TTN: variants seen among roughly 807,000 people sequenced by gnomAD.
TTN encodes the protein connectin.
A neutral mutation model predicts 3,223.0 loss-of-function variants in TTN; 1,525 were observed. That is an observed-to-expected ratio of 0.47 (90% CI 0.45 to 0.49). The LOEUF is 0.49. TTN is among the 20% of genes least tolerant of loss of function. The probability of loss-of-function intolerance (pLI) is 0.00; values close to 1 mark genes in which losing one functional copy is unlikely to be tolerated. For missense variants in TTN, 40,786 were observed against 43,424.0 expected (o/e 0.94, Z 5.40); for synonymous variants, 14,094 against 15,161.0 (o/e 0.93, Z 5.17).
In TTN at chr2:178,698,854, G is replaced by T; in HGVS notation, c.30743C>A (p.Thr10248Lys). 1 of 1,543,096 alleles carries T rather than the reference G, an allele frequency of 6.5e-7. No individual in the cohort carries two copies. The change falls in exon 112 of 363, where the codon ACA becomes AAA. Residue 10248 changes from threonine (T) to lysine (K), a missense_variant. Physicochemically the swap from Thr to Lys is moderately conservative, Grantham distance 78. Coordinates refer to ENST00000589042, the MANE Select transcript of TTN (RefSeq NM_001267550.2). ...KKVVAKPKEMTPREEIVKKPP... is the reference protein window; with the variant it reads ...KKVVAKPKEMKPREEIVKKPP... ...ATTAATTATAATACCTTCACGTGGTGTCATCTCTTTGGGCTTTGCAACAAC... is the reference window on the plus strand; with the variant it reads ...ATTAATTATAATACCTTCACGTGGTTTCATCTCTTTGGGCTTTGCAACAAC...
rs1402513223 is a variant in TTN, at chr2:178,712,232, A to G, written c.27608-10T>C. The G allele has an allele frequency of 1.2e-6, 2 of 1,611,642 alleles. No homozygotes were observed. Among genetic ancestry groups the G allele is most frequent in the East Asian group, 4.5e-5 (2 of 44,854 alleles). On this transcript the variant is annotated splice_polypyrimidine_tract_variant and intron_variant, in intron 95 of 362. Coordinates refer to ENST00000589042, the MANE Select transcript of TTN (RefSeq NM_001267550.2). ...ACAAAATACGGTGGTTCTGCAGCCA[A>G]GAGAGATAATCAATCAGTCATGAAG...
At chr2:178,793,254 A>T in intron 9 of TTN, 150 bp downstream of exon 9, 2 of 1,223,654 alleles carry the variant, frequency 1.6e-6, no homozygotes, top group Non-Finnish European at 2.3e-6. Context: ...GGTATCCAGT[A>T]CCCAGAAATT....
chr2:178,591,005 A>G lies in TTN; in HGVS notation c.60720T>C (p.Cys20240=). 6.2e-7 allele frequency: 1 copy of G among 1,613,464 alleles called. No homozygotes were observed. Among genetic ancestry groups the G allele is most frequent in the Non-Finnish European group, 8.5e-7 (1 of 1,179,564 alleles). Residue 20240 remains cysteine, a synonymous_variant, in exon 304 of 363, where the codon TGT becomes TGC. Coordinates refer to ENST00000589042, the MANE Select transcript of TTN (RefSeq NM_001267550.2). ...CTGCTCTAACTCGGAAAACATATTC[A>G]CAGCCCTTCTGCAGATGTGGGATTT... ...KLKIPHLQKG[C]EYVFRVRAEN...
At chr2:178,778,401 A>C in intron 24 of TTN, 1 of 268,182 alleles carries the variant, frequency 3.7e-6, no homozygotes, top group Admixed American at 5.1e-5. Context: ...GAAAACATAG[A>C]AATGAATTTG....
Position 178,564,797 on chromosome 2 carries a change from T to G in TTN, c.81335A>C (p.Lys27112Thr). ...TKIIGYHLEQKEKNSILWVKL... is the reference protein window; with the variant it reads ...TKIIGYHLEQTEKNSILWVKL... ...GACCCATAAAATACTGTTCTTTTCT[T>G]TCTGTTCAAGATGGTAGCCAATAAT... Residue 27112 changes from lysine to threonine, a missense_variant, in exon 326 of 363, where the codon AAA (lysine) becomes ACA (threonine). Transcript: ENST00000589042. 1 of 1,612,504 alleles carries G rather than the reference T, an allele frequency of 6.2e-7. No homozygotes were observed. The highest frequency in any genetic ancestry group is 8.5e-7 in the Non-Finnish European group (1 of 1,179,196).
intron 43 of TTN, among the ~76,000 whole-genome samples, chr2:178,760,557 C>G (rs2088816598): frequency 6.6e-6 from 1 of 152,118 alleles, no homozygotes; most frequent in African/African-American, 2.4e-5. Context: ...GACACTACAA[C>G]TTGTCAGCTG....
In TTN at chr2:178,532,546, C is replaced by G. The variant is rs964554853; in HGVS notation, c.104069G>C (p.Gly34690Ala). ...RLRLEEELELGFSASPPSRSP... is the reference protein window; with the variant it reads ...RLRLEEELELAFSASPPSRSP... ...TCGACTTGGGGGTGAAGCTGAAAAACCTAACTCAAGCTCTTCTTCAAGACG... is the reference window on the plus strand; with the variant it reads ...TCGACTTGGGGGTGAAGCTGAAAAAGCTAACTCAAGCTCTTCTTCAAGACG... The change falls in exon 358 of 363, where the codon GGT becomes GCT. Residue 34690 changes from glycine (G) to alanine (A), a missense_variant. Coordinates refer to ENST00000589042, the MANE Select transcript of TTN (RefSeq NM_001267550.2). The G allele has an allele frequency of 1.2e-6, 2 of 1,613,930 alleles. No homozygotes were observed. Among genetic ancestry groups the G allele is most frequent in the Non-Finnish European group, 1.7e-6 (2 of 1,179,850 alleles).
Position 178,735,608 on chromosome 2 carries a change from C to A in TTN, c.14838G>T (p.Glu4946Asp), listed in dbSNP as rs1169291552. 3 of 1,613,592 alleles carry A rather than the reference C, an allele frequency of 1.9e-6. No individual in the cohort carries two copies. The highest frequency in any genetic ancestry group is 2.5e-6 in the Non-Finnish European group (3 of 1,179,724). ...AATCTTTCAGTTTGGCCAAAGGAAT[C>A]TCAAGTGTTGCTATTTTATCTTCAA... ...ICFEDKIATLEIPLAKLKDSG... is the reference protein window; with the variant it reads ...ICFEDKIATLDIPLAKLKDSG... Residue 4946 changes from glutamate to aspartate, a missense_variant, in exon 50 of 363, where the codon GAG becomes GAT. Glu to Asp is a conservative substitution (Grantham distance 45). Transcript: ENST00000589042.
At chr2:178,578,293 A>G in intron 321 of TTN, 108 bp from the exon 322 acceptor site, 1 of 1,027,396 alleles carries the variant, frequency 9.7e-7, no homozygotes, top group Middle Eastern at 2.1e-4. Flanking sequence ...ACAAGTAGTC[A>G]TTCTTGCTAG....
At chr2:178,619,454 T>C (rs1481137440) in intron 250 of TTN, 167 bp downstream of exon 250, 3 of 744,682 alleles carry the variant, frequency 4.0e-6, no homozygotes, top group Non-Finnish European at 6.4e-6. Context: ...AATTTCCTCT[T>C]ACTCAAGACA....
At chr2:178,764,978 G>A (rs2090107700) in intron 41 of TTN, among the ~76,000 whole-genome samples, 167 bp from the exon 42 acceptor site, 1 of 152,144 alleles carries the variant, frequency 6.6e-6, no homozygotes, top group Non-Finnish European at 1.5e-5. Context: ...TTTGTGCTAA[G>A]AATGAAGAAA....
In TTN at chr2:178,583,794, A is replaced by C. The variant is rs369091096; in HGVS notation, c.65388T>G (p.Ala21796=). 1.5e-5 allele frequency: 24 copies of C among 1,610,240 alleles called. No homozygotes were observed. The African/African-American group carries it at 3.1e-4, about 21-fold the overall frequency. The change falls in exon 312 of 363, where the codon GCT becomes GCG. Residue 21796 remains alanine (A), a synonymous_variant. Transcript: ENST00000589042. The part of the protein sequence containing the change: ...GSKIIGYFVE[A]CKLPGDKWVR... ...CCCATTTATCACCAGGAAGTTTGCA[A>C]GCTTCTACGAAATAGCCAATAATTT...
chr2:178,578,185 C>T lies in TTN; in HGVS notation c.68330G>A (p.Gly22777Glu), dbSNP rs1291616891. 2 of 1,609,914 alleles carry T rather than the reference C, an allele frequency of 1.2e-6. No homozygotes were observed. The highest frequency in any genetic ancestry group is 2.2e-5 in the East Asian group (1 of 44,738). The change falls in exon 322 of 363, where the codon GGG becomes GAG. Residue 22777 changes from glycine (G) to glutamate (E), a missense_variant and splice_region_variant. Physicochemically the swap from Gly to Glu is moderately conservative, Grantham distance 98. Coordinates refer to ENST00000589042, the MANE Select transcript of TTN (RefSeq NM_001267550.2). ...PKKTGGSPITGYHLEFKERNS... is the reference protein window; with the variant it reads ...PKKTGGSPITEYHLEFKERNS... ...TCTTTCCTTGAACTCGAGATGATAC[C>T]CTACAAAAGACCCAGGGATGTATCA...
Position 178,634,151 on chromosome 2 carries a change from G to A in TTN, c.42416-68C>T. ...CTTCAGAAAGATTCCATTCTAATCT[G>A]CCTGAGTAAAAGGGACCCATTTCAC... On this transcript the variant is annotated intron_variant, in intron 230 of 362. Transcript: ENST00000589042. This position sits in a 1 kb window ranked among gnomAD's most constrained non-coding sequence, Gnocchi z 4.6. The A allele has an allele frequency of 6.3e-7, 1 of 1,582,070 alleles. No homozygotes were observed.
rs370110992 is a variant in TTN at position 178,741,841 on chromosome 2, G to A, written c.11392C>T (p.Leu3798Phe). ...ELQLSKINET[L>F]ELLSESPVYP... ...ACTGGAGATTCAGACAAAAGTTCAA[G>A]TGTTTCATTTATTTTAGATAATTGA... is the stretch of plus-strand genomic sequence containing the variant. Residue 3798 changes from leucine to phenylalanine, a missense_variant, in exon 48 of 363, where the codon CTT becomes TTT. By Grantham distance (22) the Leu-to-Phe change is conservative. Coordinates refer to ENST00000589042, the MANE Select transcript of TTN (RefSeq NM_001267550.2). 18 of 1,608,660 alleles carry A rather than the reference G, an allele frequency of 1.1e-5. No individual in the cohort carries two copies. Among genetic ancestry groups the A allele is most frequent in the Non-Finnish European group, 1.4e-5 (16 of 1,177,290 alleles).
In TTN at chr2:178,564,854, C is replaced by A. The variant is rs758518537; in HGVS notation, c.81278G>T (p.Trp27093Leu). The A allele has an allele frequency of 6.2e-7, 1 of 1,613,160 alleles. No homozygotes were observed. The highest frequency in any genetic ancestry group is 1.1e-5 in the South Asian group (1 of 90,946). ...SISKDQMLVQ[W>L]HEPVNDGGTK... ...GCCTCCATCATTCACTGGCTCATGCCATTGCACAAGCATCTGATCTTTTGA... is the reference window on the plus strand; with the variant it reads ...GCCTCCATCATTCACTGGCTCATGCAATTGCACAAGCATCTGATCTTTTGA... The change falls in exon 326 of 363, where the codon TGG (tryptophan) becomes TTG (leucine). Residue 27093 changes from tryptophan (W) to leucine (L), a missense_variant. Coordinates refer to ENST00000589042, the MANE Select transcript of TTN (RefSeq NM_001267550.2).
chr2:178,603,645 C>T (rs1371168714), intron 282 of TTN, among the ~76,000 whole-genome samples: 1 of 151,798 alleles, frequency 6.6e-6, no homozygotes, highest in East Asian at 1.9e-4. Context: ...TTGGTTTAAT[C>T]CAAGAGTTTA....
chr2:178,720,659 AGGTGCTACC>A lies in TTN; in HGVS notation c.23099-5_23102del. The A allele has an allele frequency of 6.3e-7, 1 of 1,575,658 alleles. No homozygotes were observed. Among genetic ancestry groups the A allele is most frequent in the Admixed American group, 2.0e-5 (1 of 51,236 alleles). Reference sequence around the variant, plus strand: ...GAGAAGGCTTCTGGGTGAAAACAGGAGGTGCTACCAGAAAAAAGGAGATAAACAATGAGA... The same window carrying A: ...GAGAAGGCTTCTGGGTGAAAACAGGAAGAAAAAAGGAGATAAACAATGAGA... On this transcript the variant is annotated splice_acceptor_variant and splice_polypyrimidine_tract_variant and coding_sequence_variant and intron_variant, in exon 80 of 363. Transcript: ENST00000589042. LOFTEE classifies it high-confidence loss of function.
chr2:178,614,367 A>G lies in TTN; in HGVS notation c.49049-19T>C, dbSNP rs917198270. The G allele has an allele frequency of 6.3e-7, 1 of 1,581,438 alleles. No homozygotes were observed. The highest frequency in any genetic ancestry group is 8.5e-7 in the Non-Finnish European group (1 of 1,170,090). On this transcript the variant is annotated intron_variant, in intron 261 of 362. Transcript: ENST00000589042. ...GGTTTATCTGTGTATGGCATTACAG[A>G]TGCAGAAAAAAAAATTGTTCACCAT... is the stretch of plus-strand genomic sequence containing the variant.
Sources: gnomAD v4.1 joint callset for allele counts (sites outside exome capture counted in the v4.1 genomes callset) on GRCh38, gnomAD v4.1.1 for gene constraint, Gnocchi (gnomAD v3.1) non-coding constraint, MANE v1.5 for transcripts, NCBI Gene and HGNC (gene_info 2026-07-23, HGNC 2026-07-21) for gene names.